The following SCFD2 variants were observed in gnomAD, a reference collection of about 807,000 sequenced individuals.
SCFD2 encodes sec1 family domain-containing protein 2.
A neutral mutation model predicts 58.9 loss-of-function variants in SCFD2; 54 were observed. That is an observed-to-expected ratio of 0.92 (90% CI 0.74 to 1.15). The LOEUF is 1.15. Ranked by LOEUF, SCFD2 falls within the 50% of genes most tolerant of loss-of-function variation. SCFD2 has a pLI of 0.00. For synonymous variants in SCFD2, 321 were observed against 335.9 expected, an observed-to-expected ratio of 0.96 and a Z score of 0.49; for missense variants, 805 against 836.6, an observed-to-expected ratio of 0.96 and a Z score of 0.47.
intron 5 of SCFD2, among the ~76,000 whole-genome samples, chr4:53,139,076 G>C (rs2148906457): frequency 6.6e-6 from 1 of 152,310 alleles, no homozygotes; most frequent in African/African-American, 2.4e-5. Context: ...TCGCCATGTT[G>C]GCTGGCCTGG....
chr4:53,066,001 A>T (rs1723652629), intron 5 of SCFD2, among the ~76,000 whole-genome samples: 1 of 152,136 alleles, frequency 6.6e-6, no homozygotes, highest in African/African-American at 2.4e-5. Flanking sequence ...AAGGAATATG[A>T]ACTTGTGGCA....
At chr4:53,251,072 A>G (rs1246562088) in intron 4 of SCFD2, among the ~76,000 whole-genome samples, 1 of 152,244 alleles carries the variant, frequency 6.6e-6, no homozygotes, top group Non-Finnish European at 1.5e-5. Context: ...TCCCACAGAA[A>G]TACAAACTAC....
intron 8 of SCFD2, among the ~76,000 whole-genome samples, chr4:52,884,567 CT>C (rs1311857521): frequency 1.3e-5 from 2 of 151,746 alleles, no homozygotes; most frequent in Non-Finnish European, 2.9e-5. Flanking sequence ...TCTTCACTGT[CT>C]TTTTTTTTCT....
chr4:53,193,048 C>T (rs1727959702), intron 4 of SCFD2, among the ~76,000 whole-genome samples: 1 of 152,106 alleles, frequency 6.6e-6, no homozygotes, highest in African/African-American at 2.4e-5. Flanking sequence ...GCATAAATTA[C>T]ATCTAACTTG....
intron 5 of SCFD2, among the ~76,000 whole-genome samples, chr4:52,971,981 C>G (rs528472455): frequency 6.6e-6 from 1 of 152,144 alleles, no homozygotes; most frequent in Non-Finnish European, 1.5e-5. Flanking sequence ...GATTTTGTCA[C>G]CACCAGGCCT....
intron 6 of SCFD2, among the ~76,000 whole-genome samples, chr4:52,916,128 G>A (rs1485509959): frequency 6.6e-6 from 1 of 152,236 alleles, no homozygotes; most frequent in South Asian, 2.1e-4. Flanking sequence ...TGAAAGCCCC[G>A]TATAAGCTCC....
chr4:53,301,722 A>T (rs1732307653), intron 3 of SCFD2, among the ~76,000 whole-genome samples: 1 of 152,210 alleles, frequency 6.6e-6, no homozygotes, highest in South Asian at 2.1e-4. Flanking sequence ...GGTAAACTGA[A>T]TCCAGCAACA....
At chr4:53,184,396 C>G (rs1044424028) in intron 4 of SCFD2, among the ~76,000 whole-genome samples, 1 of 152,054 alleles carries the variant, frequency 6.6e-6, no homozygotes, top group Middle Eastern at 3.2e-3. Flanking sequence ...TCTCTGGAAT[C>G]AGGAAATAAT....
chr4:53,034,693 G>A (rs2148820666), intron 5 of SCFD2, among the ~76,000 whole-genome samples: 1 of 152,258 alleles, frequency 6.6e-6, no homozygotes, highest in Non-Finnish European at 1.5e-5. Context: ...GACAAACAGA[G>A]AGCCAAATTA....
chr4:53,163,853 G>A (rs1726926589), intron 4 of SCFD2, among the ~76,000 whole-genome samples: 1 of 152,082 alleles, frequency 6.6e-6, no homozygotes. Flanking sequence ...AAGCCTTTCT[G>A]GATCTCTTGA....
At chr4:53,340,186 C>T (rs1490328273) in intron 2 of SCFD2, among the ~76,000 whole-genome samples, 2 of 152,098 alleles carry the variant, frequency 1.3e-5, no homozygotes, top group Non-Finnish European at 1.5e-5. Context: ...ACCTGGGAAC[C>T]GCAAGGGGTC....
chr4:53,310,088 G>C (rs1437046967), intron 3 of SCFD2, among the ~76,000 whole-genome samples: 1 of 152,164 alleles, frequency 6.6e-6, no homozygotes, highest in African/African-American at 2.4e-5. Flanking sequence ...GTCTAGTAGT[G>C]AATGCTGCAA....
chr4:52,979,482 A>G (rs925743926), intron 5 of SCFD2, among the ~76,000 whole-genome samples: 3 of 152,098 alleles, frequency 2.0e-5, no homozygotes. Flanking sequence ...TATTTCACTG[A>G]AAAGGTGTCT....
chr4:53,343,467 T>C (rs1435294705), intron 2 of SCFD2, among the ~76,000 whole-genome samples: 1 of 152,086 alleles, frequency 6.6e-6, no homozygotes, highest in East Asian at 1.9e-4. Flanking sequence ...ATTAATAGCC[T>C]ACCCACCAAA....
At chr4:53,177,992 G>C (rs1727397828) in intron 4 of SCFD2, among the ~76,000 whole-genome samples, 1 of 152,324 alleles carries the variant, frequency 6.6e-6, no homozygotes, top group Admixed American at 6.5e-5. Flanking sequence ...TGTTTGATTA[G>C]GTAAACAAAG....
At chr4:53,338,315 G>T (rs1447039680) in intron 2 of SCFD2, among the ~76,000 whole-genome samples, 1 of 152,100 alleles carries the variant, frequency 6.6e-6, no homozygotes, top group East Asian at 1.9e-4. Flanking sequence ...AGTACTGGAA[G>T]AAATAATAGC....
chr4:53,340,515 G>A (rs1238952222), intron 2 of SCFD2, among the ~76,000 whole-genome samples: 1 of 152,308 alleles, frequency 6.6e-6, no homozygotes, highest in East Asian at 1.9e-4. Flanking sequence ...TCCTGCCTCT[G>A]TAGACTCCAC....
intron 5 of SCFD2, among the ~76,000 whole-genome samples, chr4:52,927,634 T>C (rs1289049519): frequency 6.6e-6 from 1 of 152,202 alleles, no homozygotes; most frequent in Non-Finnish European, 1.5e-5. Context: ...AACATTTAAT[T>C]AAATCTTGCA....
chr4:52,899,301 C>T (rs1394222992), intron 7 of SCFD2, among the ~76,000 whole-genome samples: 2 of 152,138 alleles, frequency 1.3e-5, no homozygotes, highest in Non-Finnish European at 2.9e-5. Flanking sequence ...TTGTTCCTTT[C>T]CATGTTTAGT....
Sources: gnomAD v4.1 joint callset for allele counts (sites outside exome capture counted in the v4.1 genomes callset) on GRCh38, gnomAD v4.1.1 for gene constraint, MANE v1.5 for transcripts, NCBI Gene and HGNC (gene_info 2026-07-23, HGNC 2026-07-21) for gene names.